B3GAT2: variants seen among roughly 807,000 people sequenced by gnomAD.
B3GAT2 encodes the protein galactosylgalactosylxylosylprotein 3-beta-glucuronosyltransferase 2.
A neutral mutation model predicts 27.8 loss-of-function variants in B3GAT2; 26 were observed. The ratio of observed to expected loss-of-function variants is 0.93; its 90% CI spans 0.68 to 1.30. The LOEUF (loss-of-function observed/expected upper bound fraction) is 1.30, where lower values mean the gene tolerates loss of function less well. Among genes scored for constraint, B3GAT2 ranks in the 50% most tolerant of loss-of-function variants. The probability of loss-of-function intolerance (pLI) is 0.00; values close to 1 mark genes in which losing one functional copy is unlikely to be tolerated. For missense variants in B3GAT2, 458 were observed against 459.0 expected, an observed-to-expected ratio of 1.00 and a Z score of 0.02; for synonymous variants, 218 against 195.1, an observed-to-expected ratio of 1.12 and a Z score of -0.98.
At chr6:70,874,379 T>A (rs1771981320) in intron 2 of B3GAT2, among the ~76,000 whole-genome samples, 1 of 152,194 alleles carries the variant, frequency 6.6e-6, no homozygotes, top group Non-Finnish European at 1.5e-5. Context: ...TCTCAGTCTT[T>A]GCCAAGATGC....
chr6:70,889,993 G>A lies in B3GAT2; in HGVS notation c.736+4135C>T, dbSNP rs534680494. Among the ~76,000 whole-genome samples the A allele has an allele frequency of 5.9e-5, 9 of 152,106 alleles. No homozygotes were observed. In the South Asian group the frequency reaches 1.9e-3, roughly 32 times the overall value. Reference sequence around the variant, plus strand: ...GACGGGGTTTCACCATGTTGGCCAGGCTGGTCTTGAACTCCTGACCTCAGG... The same window carrying A: ...GACGGGGTTTCACCATGTTGGCCAGACTGGTCTTGAACTCCTGACCTCAGG... On this transcript the variant is annotated intron_variant, in intron 2 of 3. Coordinates refer to ENST00000230053, the MANE Select transcript of B3GAT2 (RefSeq NM_080742.3).
chr6:70,904,686 T>A (rs1462748889), intron 1 of B3GAT2, among the ~76,000 whole-genome samples: 1 of 152,178 alleles, frequency 6.6e-6, no homozygotes, highest in Non-Finnish European at 1.5e-5. Context: ...CGATTTTAAA[T>A]ATCAGAAAGA....
At chr6:70,873,908 A>T (rs1283348802) in intron 2 of B3GAT2, among the ~76,000 whole-genome samples, 1 of 151,998 alleles carries the variant, frequency 6.6e-6, no homozygotes, top group Admixed American at 6.6e-5. Context: ...AAAATATATA[A>T]TTTCTATCTC....
chr6:70,873,928 C>G (rs770366696), intron 2 of B3GAT2, among the ~76,000 whole-genome samples: 8 of 151,932 alleles, frequency 5.3e-5, no homozygotes, highest in Non-Finnish European at 1.0e-4. Flanking sequence ...CTTTATTGAT[C>G]TCTATTTGTG....
At chr6:70,864,811 G>A (rs773724341) in intron 2 of B3GAT2, among the ~76,000 whole-genome samples, 9 of 152,092 alleles carry the variant, frequency 5.9e-5, no homozygotes. Flanking sequence ...GTAATTCCAA[G>A]TATTTATACT....
chr6:70,918,436 TATG>T (rs1432645601), intron 1 of B3GAT2, among the ~76,000 whole-genome samples: 2 of 152,182 alleles, frequency 1.3e-5, no homozygotes, highest in Non-Finnish European at 2.9e-5. Context: ...ATCCTGTCAT[TATG>T]ATGTTAGCTG....
chr6:70,887,950 G>T (rs914198316), intron 2 of B3GAT2, among the ~76,000 whole-genome samples: 5 of 152,184 alleles, frequency 3.3e-5, no homozygotes, highest in Admixed American at 2.6e-4. Context: ...GCCGGGCAGG[G>T]CCTGGCAGGT....
rs1295731312 is a variant in B3GAT2, at chr6:70,860,570, T to G, written c.*1093A>C. ...TGCTCATATTTCCCATGATTTCATG[T>G]ACTGCATTATTTGAGAAGCTGCTCA... On this transcript the variant is annotated 3_prime_UTR_variant, in exon 4 of 4. Transcript: ENST00000230053. 1 of 447,240 alleles carries G rather than the reference T, an allele frequency of 2.2e-6. No homozygotes were observed. The highest frequency in any genetic ancestry group is 3.9e-6 in the Non-Finnish European group (1 of 259,244). 27.7% of individuals were successfully genotyped at this position (447,240 alleles called of 1,614,324 possible).
chr6:70,925,850 G>A (rs1314546803), intron 1 of B3GAT2, among the ~76,000 whole-genome samples: 3 of 152,234 alleles, frequency 2.0e-5, no homozygotes, highest in Non-Finnish European at 4.4e-5. Context: ...GCCTCCTCAA[G>A]TGGGTCCCTG....
rs1463428970 is a variant in B3GAT2, at chr6:70,956,759, C to T, written c.-330G>A. 8.2e-7 allele frequency: 1 copy of T among 1,218,800 alleles called. No homozygotes were observed. Among genetic ancestry groups the T allele is most frequent in the Admixed American group, 4.3e-5 (1 of 23,336 alleles). 75.5% of individuals were successfully genotyped at this position (1,218,800 alleles called of 1,614,324 possible). A position where few individuals can be genotyped will look rare whatever the true frequency, so the allele number is the denominator to read the frequency against. ...TGCCGAGTGCGGGAAAGGCGCTGAT[C>T]CCCACCGCGCTCTTTCTGAAGAGTG... On this transcript the variant is annotated 5_prime_UTR_variant, in exon 1 of 4. Transcript: ENST00000230053.
At position 70,858,427 on chromosome 6, in the gene B3GAT2, G is replaced by C. The variant is rs13174; in HGVS notation, c.*3236C>G. On this transcript the variant is annotated 3_prime_UTR_variant, in exon 4 of 4. Transcript: ENST00000230053. ...GATAGACAAATGATGTGTTATTATC[G>C]CTATTTTAGAGTATTCTGTAAAAAA... is the stretch of plus-strand genomic sequence containing the variant. The C allele has an allele frequency of 0.72, 344,563 of 481,222 alleles. 126,097 individuals carry two copies. The highest frequency in any genetic ancestry group is 0.92 in the African/African-American group (45,772 of 49,532). 29.8% of individuals were successfully genotyped at this position (481,222 alleles called of 1,614,324 possible). A position where few individuals can be genotyped will look rare whatever the true frequency, so the allele number is the denominator to read the frequency against.
In B3GAT2 at chr6:70,916,912, T is replaced by C. The variant is rs1032275137; in HGVS notation, c.592-22640A>G. The stretch of plus-strand genomic sequence containing the variant: ...TGTTATCAGGATGATGTTGGCCTTA[T>C]AAAATGAGTTAGGGAAGATTCCCTC... On this transcript the variant is annotated intron_variant, in intron 1 of 3. Transcript: ENST00000230053. Among the ~76,000 whole-genome samples, 3 of 152,324 alleles carry C rather than the reference T, an allele frequency of 2.0e-5. No homozygotes were observed. In the East Asian group the frequency reaches 5.8e-4, roughly 29 times the overall value.
intron 2 of B3GAT2, among the ~76,000 whole-genome samples, chr6:70,868,832 T>A (rs1582340005): frequency 6.6e-6 from 1 of 152,202 alleles, no homozygotes; most frequent in South Asian, 2.1e-4. Context: ...GTGTGGGACC[T>A]CCTCTAATTC....
At position 70,950,751 on chromosome 6, in the gene B3GAT2, GCAAA is replaced by G. The variant is rs199981219; in HGVS notation, c.591+5084_591+5087del. ...AAATATTAGCATTAGTATTAAAACAGCAAACAAACAGAGACAGTACTATTACCTA... is the reference window on the plus strand; with the variant it reads ...AAATATTAGCATTAGTATTAAAACAGCAAACAGAGACAGTACTATTACCTA... On this transcript the variant is annotated intron_variant, in intron 1 of 3. Coordinates refer to ENST00000230053, the MANE Select transcript of B3GAT2 (RefSeq NM_080742.3). Among the ~76,000 whole-genome samples the G allele has an allele frequency of 3.3e-3, 505 of 152,274 alleles. 7 individuals are homozygous for G. Among genetic ancestry groups the G allele is most frequent in the Admixed American group, 0.03 (455 of 15,288 alleles).
At chr6:70,952,501 A>G (rs1765592820) in intron 1 of B3GAT2, among the ~76,000 whole-genome samples, 1 of 129,820 alleles carries the variant, frequency 7.7e-6, no homozygotes, top group African/African-American at 2.8e-5. Context: ...AAACATGACT[A>G]AAAATAAAGT....
At chr6:70,912,298 C>T (rs779551014) in intron 1 of B3GAT2, among the ~76,000 whole-genome samples, 6 of 151,874 alleles carry the variant, frequency 4.0e-5, no homozygotes, top group Non-Finnish European at 5.9e-5. Flanking sequence ...AGGTATGTTC[C>T]TTTGATGCCT....
At chr6:70,923,985 C>A (rs1428608608) in intron 1 of B3GAT2, among the ~76,000 whole-genome samples, 1 of 152,114 alleles carries the variant, frequency 6.6e-6, no homozygotes, top group Non-Finnish European at 1.5e-5. Context: ...ACTAAACCAA[C>A]TTATTAAAAC....
In B3GAT2 at chr6:70,902,617, G is replaced by GATATATATAT. The variant is rs61150776; in HGVS notation, c.592-8355_592-8346dup. 5.0e-3 allele frequency among the ~76,000 whole-genome samples: 632 copies of GATATATATAT among 125,188 alleles called. 2 individuals carry two copies. Among genetic ancestry groups the GATATATATAT allele is most frequent in the South Asian group, 8.2e-3 (31 of 3,792 alleles). The allele number at this position is 125,188 out of a possible 152,430, so 82.1% of individuals were successfully genotyped here. On this transcript the variant is annotated intron_variant, in intron 1 of 3. Coordinates refer to ENST00000230053, the MANE Select transcript of B3GAT2 (RefSeq NM_080742.3). The stretch of plus-strand genomic sequence containing the variant: ...ACAGATGAATGGATTAAGAAAATGG[G>GATATATATAT]ATATATATATATATATATATACACA...
chr6:70,884,111 A>C (rs1210911225), intron 2 of B3GAT2, among the ~76,000 whole-genome samples: 2 of 143,148 alleles, frequency 1.4e-5, no homozygotes, highest in Admixed American at 1.4e-4. Context: ...AAAAAAAAAA[A>C]AACAAAAAAA....
Sources: allele counts gnomAD v4.1 joint callset (sites outside exome capture counted in the v4.1 genomes callset), GRCh38; gene constraint gnomAD v4.1.1; transcripts MANE v1.5; gene names NCBI Gene and HGNC (gene_info 2026-07-23, HGNC 2026-07-21).